PTPN13: variants seen among roughly 807,000 people sequenced by gnomAD.
PTPN13 encodes the protein protein tyrosine phosphatase non-receptor type 13, also known as tyrosine-protein phosphatase non-receptor type 13.
In PTPN13, 191 loss-of-function variants were observed where a neutral mutation model predicts 284.0. The ratio of observed to expected loss-of-function variants is 0.67; its 90% CI spans 0.60 to 0.76. The LOEUF (loss-of-function observed/expected upper bound fraction) is 0.76, where lower values mean the gene tolerates loss of function less well. PTPN13 is among the 30% of genes least tolerant of loss of function. The probability of loss-of-function intolerance (pLI) is 0.00; values close to 1 mark genes in which losing one functional copy is unlikely to be tolerated. For synonymous variants in PTPN13, 986 were observed against 1,022.3 expected, an observed-to-expected ratio of 0.96 and a Z score of 0.68; for missense variants, 2,797 against 2,939.9, an observed-to-expected ratio of 0.95 and a Z score of 1.12.
At position 86,735,639 on chromosome 4, in the gene PTPN13, A is replaced by G; in HGVS notation, c.2197A>G (p.Arg733Gly). Residue 733 changes from arginine to glycine, a missense_variant, in exon 15 of 48, where the codon AGA becomes GGA. Physicochemically the swap from Arg to Gly is moderately radical, Grantham distance 125. Transcript: ENST00000411767. ...TAGAATGGAGCACTATTTGCCCGCCAGAGTGATGGAGAAACTTGATTTATC... is the reference window on the plus strand; with the variant it reads ...TAGAATGGAGCACTATTTGCCCGCCGGAGTGATGGAGAAACTTGATTTATC... The part of the protein sequence containing the change: ...YFRMEHYLPA[R>G]VMEKLDLSYI... The G allele has an allele frequency of 1.2e-6, 2 of 1,613,640 alleles. No homozygotes were observed. Among genetic ancestry groups the G allele is most frequent in the South Asian group, 1.1e-5 (1 of 91,032 alleles).
At chr4:86,796,126 CAGTT>C (rs1440290330) in intron 40 of PTPN13, among the ~76,000 whole-genome samples, 2 of 152,132 alleles carry the variant, frequency 1.3e-5, no homozygotes, top group Admixed American at 6.5e-5. Context: ...ACACCATACT[CAGTT>C]AAAGTATGAG....
At chr4:86,628,733 A>G (rs1376486626) in intron 1 of PTPN13, among the ~76,000 whole-genome samples, 37 of 133,812 alleles carry the variant, frequency 2.8e-4, no homozygotes, top group Middle Eastern at 4.1e-3. Context: ...ATTCCCACCT[A>G]TGAGTGAGAA....
At chr4:86,717,344 G>A (rs775905174) in intron 9 of PTPN13, among the ~76,000 whole-genome samples, 43 of 151,822 alleles carry the variant, frequency 2.8e-4, no homozygotes, top group Middle Eastern at 3.4e-3. Flanking sequence ...ATGCACCAAT[G>A]TGCCTGGCTA....
At chr4:86,720,584 C>T (rs1159813243) in intron 9 of PTPN13, among the ~76,000 whole-genome samples, 1 of 152,136 alleles carries the variant, frequency 6.6e-6, no homozygotes, top group Non-Finnish European at 1.5e-5. Flanking sequence ...CACTTAAATA[C>T]ATATTAGCTT....
chr4:86,718,455 C>CTTTTTTTTTTTT (rs796389778), intron 9 of PTPN13, among the ~76,000 whole-genome samples: 4 of 140,162 alleles, frequency 2.9e-5, no homozygotes, highest in Non-Finnish European at 6.4e-5. Flanking sequence ...TAATGGTCCA[C>CTTTTTTTTTTTT]TTTTTTTTTT....
rs184264463 is a variant in PTPN13, at chr4:86,791,818, A to G, written c.6346-5056A>G. 6.7e-3 allele frequency among the ~76,000 whole-genome samples: 1,020 copies of G among 152,278 alleles called. 10 individuals carry two copies. The highest frequency in any genetic ancestry group is 0.022 in the African/African-American group (916 of 41,552). On this transcript the variant is annotated intron_variant, in intron 40 of 47. Transcript: ENST00000411767. ...GAAAGGAATAGCATCAACATCAACA[A>G]AAAGGACATCCACACCAAAACCCTA...
intron 15 of PTPN13, among the ~76,000 whole-genome samples, chr4:86,739,852 G>A (rs993860149): frequency 2.6e-5 from 4 of 152,148 alleles, no homozygotes; most frequent in African/African-American, 7.2e-5. Context: ...CATTCCAAAT[G>A]GGAGAAATTA....
At chr4:86,799,291 GT>G in intron 42 of PTPN13, 87 bp downstream of exon 42, 1 of 633,956 alleles carries the variant, frequency 1.6e-6, no homozygotes, top group Non-Finnish European at 2.5e-6. Context: ...TGGATATGCT[GT>G]TTTACCATAT....
rs555706088 is a variant in PTPN13, at chr4:86,647,803, A to G, written c.115+12432A>G. 9.2e-5 allele frequency among the ~76,000 whole-genome samples: 14 copies of G among 152,242 alleles called. No homozygotes were observed. The South Asian group carries it at 2.9e-3, about 32-fold the overall frequency. ...ACACATACAGAAGGAAAACTGTGAG[A>G]AGACATAGAGAGAAGATGGCCATCT... is the stretch of plus-strand genomic sequence containing the variant. On this transcript the variant is annotated intron_variant, in intron 2 of 47. Transcript: ENST00000411767.
intron 10 of PTPN13, among the ~76,000 whole-genome samples, chr4:86,728,334 C>T (rs1185962597): frequency 6.7e-6 from 1 of 149,338 alleles, no homozygotes; most frequent in Non-Finnish European, 1.5e-5. Flanking sequence ...ATTAGGTCCA[C>T]TTGTTGCAGA....
At chr4:86,635,392 C>T (rs1316761809) in intron 2 of PTPN13, 21 bp downstream of exon 2, 42 of 1,544,708 alleles carry the variant, frequency 2.7e-5, no homozygotes, top group African/African-American at 6.8e-5. Flanking sequence ...GCTGCTGCTG[C>T]TGTTGTTGTT....
rs543751613 is a variant in PTPN13, at chr4:86,679,806, AGT to A, written c.295-6902_295-6901del. On this transcript the variant is annotated intron_variant, in intron 3 of 47. Coordinates refer to ENST00000411767, the MANE Select transcript of PTPN13 (RefSeq NM_080683.3). ...CTCACCCAGCCTGTCTCTTGTGGTC[AGT>A]GAGACAAATCTTTGAAGGCTTTTCG... Among the ~76,000 whole-genome samples the A allele has an allele frequency of 2.2e-3, 338 of 152,354 alleles. 1 individual carries two copies. The highest frequency in any genetic ancestry group is 6.8e-3 in the Middle Eastern group (2 of 294).
chr4:86,648,773 G>T (rs1036666621), intron 2 of PTPN13, among the ~76,000 whole-genome samples: 1 of 152,096 alleles, frequency 6.6e-6, no homozygotes, highest in African/African-American at 2.4e-5. Context: ...TCATATGGTA[G>T]TTCCATTTTT....
Position 86,814,536 on chromosome 4 carries a change from T to C in PTPN13, c.7443T>C (p.Pro2481=), listed in dbSNP as rs759461464. The part of the protein sequence containing the change: ...LQAEEEQKQQ[P]QLLK ...CAGAAGAAGAGCAAAAACAGCAGCCTCAGCTTCTGAAGTGACATGAAAAGA... is the reference window on the plus strand; with the variant it reads ...CAGAAGAAGAGCAAAAACAGCAGCCCCAGCTTCTGAAGTGACATGAAAAGA... Residue 2481 remains proline, a synonymous_variant, in exon 48 of 48, where the codon CCT becomes CCC. Coordinates refer to ENST00000411767, the MANE Select transcript of PTPN13 (RefSeq NM_080683.3). The C allele has an allele frequency of 6.2e-7, 1 of 1,611,426 alleles. No individual in the cohort carries two copies. The highest frequency in any genetic ancestry group is 8.5e-7 in the Non-Finnish European group (1 of 1,178,018).
At chr4:86,799,566 A>T (rs1330247902) in intron 42 of PTPN13, among the ~76,000 whole-genome samples, 1 of 151,614 alleles carries the variant, frequency 6.6e-6, no homozygotes, top group African/African-American at 2.4e-5. Context: ...CTGACCTCAG[A>T]TGATCCACCT....
At chr4:86,711,583 C>T (rs1326866447) in intron 7 of PTPN13, among the ~76,000 whole-genome samples, 1 of 151,952 alleles carries the variant, frequency 6.6e-6, no homozygotes, top group Non-Finnish European at 1.5e-5. Context: ...TTTTCTGTAA[C>T]TGAAAACTAA....
chr4:86,774,993 C>T (rs1294399865), intron 33 of PTPN13, among the ~76,000 whole-genome samples, 178 bp from the exon 34 acceptor site: 2 of 151,940 alleles, frequency 1.3e-5, no homozygotes, highest in Non-Finnish European at 2.9e-5. Flanking sequence ...ATGGCTTGAT[C>T]GTTGTGCCTA....
chr4:86,750,013 G>A (rs1737208865), intron 17 of PTPN13, among the ~76,000 whole-genome samples: 1 of 152,126 alleles, frequency 6.6e-6, no homozygotes, highest in Non-Finnish European at 1.5e-5. Flanking sequence ...AAACCCCTCT[G>A]CATAGCTTTT....
At chr4:86,697,822 T>C (rs966409279) in intron 6 of PTPN13, among the ~76,000 whole-genome samples, 2 of 152,136 alleles carry the variant, frequency 1.3e-5, no homozygotes, top group South Asian at 4.2e-4. Context: ...AGGTAAATGA[T>C]GATATCCAGT....
Sources: allele counts gnomAD v4.1 joint callset (sites outside exome capture counted in the v4.1 genomes callset), GRCh38; gene constraint gnomAD v4.1.1; transcripts MANE v1.5; gene names NCBI Gene and HGNC (gene_info 2026-07-23, HGNC 2026-07-21).